CORO1C: variants seen among roughly 807,000 people sequenced by gnomAD.
CORO1C encodes the protein coronin-1C.
In CORO1C, 14 loss-of-function variants were observed where a neutral mutation model predicts 51.2. The observed-to-expected ratio is 0.27, with a 90% CI of 0.18 to 0.43. CORO1C has a LOEUF of 0.43. Ranked by LOEUF, CORO1C falls within the 20% of genes least tolerant of loss-of-function variation. The probability of loss-of-function intolerance (pLI) is 1.00; values close to 1 mark genes in which losing one functional copy is unlikely to be tolerated. For synonymous variants in CORO1C, 181 were observed against 210.5 expected, an observed-to-expected ratio of 0.86 and a Z score of 1.21; for missense variants, 417 against 607.8, an observed-to-expected ratio of 0.69 and a Z score of 3.30.
intron 3 of CORO1C, among the ~76,000 whole-genome samples, chr12:108,663,830 A>G (rs2033369596): frequency 6.6e-6 from 1 of 152,248 alleles, no homozygotes; most frequent in South Asian, 2.1e-4. Flanking sequence ...TTCTATGTGA[A>G]TTATATCTCA....
Position 108,658,975 on chromosome 12 carries a change from C to T in CORO1C, c.449-56G>A. 1 of 1,537,268 alleles carries T rather than the reference C, an allele frequency of 6.5e-7. No individual in the cohort carries two copies. The highest frequency in any genetic ancestry group is 8.9e-7 in the Non-Finnish European group (1 of 1,122,090). On this transcript the variant is annotated intron_variant, in intron 4 of 10. Coordinates refer to ENST00000261401, the MANE Select transcript of CORO1C (RefSeq NM_014325.4). The surrounding 1 kb of genome is among the most constrained non-coding windows in gnomAD (Gnocchi z 4.9). ...AGATTAGAAACACCTATGTAACACA[C>T]TCAGAAAACTACAGATACAGTGAGA...
At chr12:108,716,795 A>G (rs986113432) in intron 1 of CORO1C, among the ~76,000 whole-genome samples, 3 of 152,224 alleles carry the variant, frequency 2.0e-5, no homozygotes, top group African/African-American at 7.2e-5. Flanking sequence ...TGCAAACCAC[A>G]TTACTTACTA....
At chr12:108,728,550 T>C (rs1041971442) in intron 1 of CORO1C, among the ~76,000 whole-genome samples, 5 of 152,144 alleles carry the variant, frequency 3.3e-5, no homozygotes, top group Middle Eastern at 3.2e-3. Flanking sequence ...TCTGTGAATA[T>C]ACCAAAAACC....
chr12:108,659,548 T>C (rs1370335287), intron 4 of CORO1C, among the ~76,000 whole-genome samples: 1 of 152,236 alleles, frequency 6.6e-6, no homozygotes, highest in Non-Finnish European at 1.5e-5. Flanking sequence ...ATAAATTATT[T>C]TACATACAGA....
At chr12:108,654,671 G>GA (rs1215826615) in intron 6 of CORO1C, among the ~76,000 whole-genome samples, 1 of 151,838 alleles carries the variant, frequency 6.6e-6, no homozygotes, top group African/African-American at 2.4e-5. Flanking sequence ...ACAATGATGA[G>GA]AAAGCCCTTC....
chr12:108,702,089 G>C (rs1392326337), intron 1 of CORO1C: 1 of 152,600 alleles, frequency 6.6e-6, no homozygotes, highest in Non-Finnish European at 1.5e-5. Context: ...GGAAAGCAAT[G>C]TGATCAAAGT....
intron 7 of CORO1C, 66 bp from the exon 8 acceptor site, chr12:108,652,483 C>T: frequency 7.4e-7 from 1 of 1,352,012 alleles, no homozygotes; most frequent in Non-Finnish European, 1.0e-6. Flanking sequence ...ATGGGGGTGT[C>T]TCTCTCCTCT....
intron 1 of CORO1C, among the ~76,000 whole-genome samples, chr12:108,704,987 AT>A (rs1247430952): frequency 6.6e-6 from 1 of 152,356 alleles, no homozygotes; most frequent in African/African-American, 2.4e-5. Context: ...GTGGCAGGAG[AT>A]TCTTATGCTA....
At chr12:108,684,353 C>A (rs2034227630) in intron 2 of CORO1C, among the ~76,000 whole-genome samples, 1 of 152,122 alleles carries the variant, frequency 6.6e-6, no homozygotes, top group Admixed American at 6.6e-5. Context: ...CACCTTGTTA[C>A]AATTCCTTTC....
intron 6 of CORO1C, among the ~76,000 whole-genome samples, chr12:108,656,857 C>T (rs927269704): frequency 1.3e-5 from 2 of 152,114 alleles, no homozygotes; most frequent in Admixed American, 6.5e-5. Flanking sequence ...GCAGCATGCT[C>T]GTTAAGAGTC....
In CORO1C at chr12:108,657,468, A is replaced by G. The variant is rs759505954; in HGVS notation, c.631-45T>C. On this transcript the variant is annotated intron_variant, in intron 5 of 10. Transcript: ENST00000261401. ...ATGCCACACATTAAACTGCAAGAAG[A>G]CAAGGTGAGTGGAGAAACTCGGGCA... 6 of 1,600,616 alleles carry G rather than the reference A, an allele frequency of 3.7e-6. No individual in the cohort carries two copies. In the African/African-American group the frequency reaches 8.0e-5, roughly 21 times the overall value.
intron 2 of CORO1C, among the ~76,000 whole-genome samples, chr12:108,686,100 A>G (rs1334086856): frequency 1.3e-5 from 2 of 152,260 alleles, no homozygotes; most frequent in Non-Finnish European, 2.9e-5. Context: ...ACGGCCTTAT[A>G]TGGTAAAGAT....
chr12:108,682,094 C>T (rs1056435607), intron 2 of CORO1C, among the ~76,000 whole-genome samples: 1 of 151,646 alleles, frequency 6.6e-6, no homozygotes, highest in Non-Finnish European at 1.5e-5. Context: ...AATTTAAAAA[C>T]TGGCTCAATC....
At chr12:108,709,036 T>C (rs965436623) in intron 1 of CORO1C, among the ~76,000 whole-genome samples, 1 of 152,040 alleles carries the variant, frequency 6.6e-6, no homozygotes, top group Non-Finnish European at 1.5e-5. Context: ...ATTATAGGCA[T>C]TAGCCACCAT....
rs1016640807 is a variant in CORO1C, at chr12:108,662,900, G to T, written c.319-742C>A. On this transcript the variant is annotated intron_variant, in intron 3 of 10. Coordinates refer to ENST00000261401, the MANE Select transcript of CORO1C (RefSeq NM_014325.4). Reference sequence around the variant, plus strand: ...AAAGTGAAAAAACAACCTGCAGAATGGGAGAAAATAACTTACAAATCATAC... The same window carrying T: ...AAAGTGAAAAAACAACCTGCAGAATTGGAGAAAATAACTTACAAATCATAC... Among the ~76,000 whole-genome samples the T allele has an allele frequency of 3.3e-5, 5 of 152,090 alleles. No homozygotes were observed. The South Asian group carries it at 6.2e-4, about 19-fold the overall frequency.
intron 8 of CORO1C, 113 bp from the exon 9 acceptor site, chr12:108,649,133 C>T (rs2032525015): frequency 6.7e-6 from 8 of 1,186,956 alleles, no homozygotes; most frequent in Non-Finnish European, 9.8e-6. Context: ...CTTCTTTACC[C>T]ATCCCCACAT....
intron 2 of CORO1C, among the ~76,000 whole-genome samples, chr12:108,679,170 T>TAAAAA (rs35452794): frequency 9.4e-6 from 1 of 106,742 alleles, no homozygotes; most frequent in Non-Finnish European, 1.9e-5. Context: ...TTTAAAAAGT[T>TAAAAA]AAAAAAAAAA....
At chr12:108,678,242 C>T in intron 3 of CORO1C, 30 bp downstream of exon 3, 6 of 1,596,680 alleles carry the variant, frequency 3.8e-6, no homozygotes, top group Non-Finnish European at 5.1e-6. Context: ...TCTCACTGGC[C>T]TGTGTGCACA....
At chr12:108,659,028 G>C (rs1409046478) in intron 4 of CORO1C, 109 bp from the exon 5 acceptor site, 10 of 1,078,500 alleles carry the variant, frequency 9.3e-6, no homozygotes, top group Non-Finnish European at 1.3e-5. Context: ...CAGAGAGAGA[G>C]AGAGAGAAAG....
Sources: gnomAD v4.1 joint callset for allele counts (sites outside exome capture counted in the v4.1 genomes callset) on GRCh38, gnomAD v4.1.1 for gene constraint, Gnocchi (gnomAD v3.1) non-coding constraint, MANE v1.5 for transcripts, NCBI Gene and HGNC (gene_info 2026-07-23, HGNC 2026-07-21) for gene names.